The following ARID1B variants were observed in gnomAD, a reference collection of about 807,000 sequenced individuals.
The protein encoded by ARID1B is AT-rich interactive domain-containing protein 1B.
In ARID1B, 30 loss-of-function variants were observed where a neutral mutation model predicts 212.3. The ratio of observed to expected loss-of-function variants is 0.14; its 90% CI spans 0.11 to 0.19. ARID1B has a LOEUF of 0.19. Among genes scored for constraint, ARID1B ranks in the 10% least tolerant of loss-of-function variants. The pLI is 1.00. For synonymous variants in ARID1B, 1,402 were observed against 1,301.7 expected (o/e 1.08, Z -1.66); for missense variants, 2,891 against 3,204.0 (o/e 0.90, Z 2.36).
intron 4 of ARID1B, among the ~76,000 whole-genome samples, chr6:157,041,249 C>G (rs1340143912): frequency 6.6e-6 from 1 of 152,168 alleles, no homozygotes; most frequent in Non-Finnish European, 1.5e-5. Context: ...AATGAACTAA[C>G]TAAAGCTGCT....
intron 4 of ARID1B, among the ~76,000 whole-genome samples, chr6:157,062,229 T>C (rs1408472088): frequency 6.6e-6 from 1 of 151,550 alleles, no homozygotes; most frequent in Non-Finnish European, 1.5e-5. Context: ...AGACAGAGCC[T>C]CCCTCTGTCA....
intron 2 of ARID1B, among the ~76,000 whole-genome samples, chr6:156,869,690 A>C (rs1785970496): frequency 6.6e-6 from 1 of 152,198 alleles, no homozygotes; most frequent in Non-Finnish European, 1.5e-5. Flanking sequence ...TACGGATGTC[A>C]GAAAATATGT....
intron 4 of ARID1B, among the ~76,000 whole-genome samples, chr6:156,954,738 A>G (rs115434090): frequency 0.015 from 2,284 of 152,266 alleles, 60 homozygotes; most frequent in African/African-American, 0.052. Flanking sequence ...TCCTTCTTCT[A>G]TATGACGGCT....
In ARID1B at chr6:157,131,447, C is replaced by T. The variant is rs561864853; in HGVS notation, c.2582-1581C>T. Among the ~76,000 whole-genome samples the T allele has an allele frequency of 3.3e-5, 5 of 152,146 alleles. No homozygotes were observed. The South Asian group carries it at 1.0e-3, about 32-fold the overall frequency. ...GGGCTGAGGGATGAGAAGGACCCAG[C>T]AGTGTGGAGAGCAGATCGTGGGCGA... is the stretch of plus-strand genomic sequence containing the variant. On this transcript the variant is annotated intron_variant, in intron 6 of 19. Transcript: ENST00000636930.
At chr6:157,091,373 G>GT (rs1350017975) in intron 5 of ARID1B, among the ~76,000 whole-genome samples, 1 of 152,176 alleles carries the variant, frequency 6.6e-6, no homozygotes, top group Non-Finnish European at 1.5e-5. Context: ...TGCTCACCCA[G>GT]TCCCACCCTT....
chr6:156,928,006 C>T (rs562253251), intron 3 of ARID1B, among the ~76,000 whole-genome samples: 4 of 152,238 alleles, frequency 2.6e-5, no homozygotes, highest in Admixed American at 2.6e-4. Flanking sequence ...CTAGCAGGAT[C>T]TTGAGGACAG....
At chr6:157,180,896 C>CT in intron 11 of ARID1B, 73 bp from the exon 12 acceptor site, 1 of 1,323,050 alleles carries the variant, frequency 7.6e-7, no homozygotes, top group Non-Finnish European at 1.1e-6. Context: ...TAGCTCATTA[C>CT]TTTTTTCTCA....
intron 1 of ARID1B, among the ~76,000 whole-genome samples, chr6:156,807,449 GT>G (rs34102389): frequency 2.5e-3 from 359 of 142,260 alleles, no homozygotes; most frequent in African/African-American, 6.3e-3. Context: ...TTTTCTTAAG[GT>G]TTTTTTTTTT....
intron 5 of ARID1B, among the ~76,000 whole-genome samples, chr6:157,093,537 TGCCTTCA>T (rs1402041192): frequency 1.3e-5 from 2 of 152,226 alleles, no homozygotes; most frequent in Non-Finnish European, 2.9e-5. Context: ...ACAAACGGAA[TGCCTTCA>T]CTAATCCTAA....
intron 13 of ARID1B, among the ~76,000 whole-genome samples, chr6:157,187,207 G>A (rs1182098448): frequency 1.3e-5 from 2 of 152,204 alleles, no homozygotes; most frequent in African/African-American, 4.8e-5. Context: ...GTAAGCTGGA[G>A]ATGGGGAGGG....
chr6:156,919,944 C>G (rs545127950), intron 3 of ARID1B, among the ~76,000 whole-genome samples: 16 of 152,346 alleles, frequency 1.1e-4, no homozygotes, highest in African/African-American at 3.8e-4. Flanking sequence ...TTCTCTGATC[C>G]TAACACTGCT....
At chr6:157,019,687 GC>G (rs1372695893) in intron 4 of ARID1B, among the ~76,000 whole-genome samples, 2 of 152,104 alleles carry the variant, frequency 1.3e-5, no homozygotes, top group Non-Finnish European at 2.9e-5. Flanking sequence ...CCTTTGTGAT[GC>G]CTTTTTATGA....
intron 9 of ARID1B, among the ~76,000 whole-genome samples, chr6:157,170,776 C>T (rs1398986871): frequency 1.3e-5 from 2 of 152,152 alleles, no homozygotes; most frequent in African/African-American, 2.4e-5. Flanking sequence ...GGAGGGTCCT[C>T]CCGGTCAGGG....
chr6:156,776,796 G>C (rs1252484564), upstream of ARID1B: 1 of 152,210 alleles, frequency 6.6e-6, no homozygotes, highest in Non-Finnish European at 1.5e-5. Context: ...AGTACCTACT[G>C]GGTACAGGCC....
At chr6:156,958,252 A>G (rs1220378825) in intron 4 of ARID1B, among the ~76,000 whole-genome samples, 1 of 152,134 alleles carries the variant, frequency 6.6e-6, no homozygotes, top group African/African-American at 2.4e-5. Context: ...CAGCTTTTTC[A>G]CTTTTAAACA....
chr6:156,931,047 A>G (rs1316951720), intron 3 of ARID1B, among the ~76,000 whole-genome samples: 3 of 152,062 alleles, frequency 2.0e-5, no homozygotes, highest in Non-Finnish European at 4.4e-5. Flanking sequence ...AAAATTAGCC[A>G]GGTGTGGTGG....
At chr6:157,052,116 A>G (rs1350809227) in intron 4 of ARID1B, among the ~76,000 whole-genome samples, 1 of 152,200 alleles carries the variant, frequency 6.6e-6, no homozygotes, top group African/African-American at 2.4e-5. Flanking sequence ...TGACGTAGGA[A>G]AATGTCTCCA....
intron 2 of ARID1B, among the ~76,000 whole-genome samples, chr6:156,893,754 A>G (rs904986558): frequency 6.6e-6 from 1 of 152,216 alleles, no homozygotes; most frequent in African/African-American, 2.4e-5. Flanking sequence ...GTATTAGTAC[A>G]GCTGATATTT....
chr6:156,870,793 G>C (rs1341243215), intron 2 of ARID1B, among the ~76,000 whole-genome samples: 1 of 151,198 alleles, frequency 6.6e-6, no homozygotes, highest in Non-Finnish European at 1.5e-5. Context: ...GCACATTATA[G>C]ATATGTTTAC....
Sources: gnomAD v4.1 joint callset for allele counts (sites outside exome capture counted in the v4.1 genomes callset) on GRCh38, gnomAD v4.1.1 for gene constraint, MANE v1.5 for transcripts, NCBI Gene and HGNC (gene_info 2026-07-23, HGNC 2026-07-21) for gene names.